The following RIPOR3 variants were observed in gnomAD, a reference collection of about 807,000 sequenced individuals.
RIPOR3 encodes the protein RIPOR family member 3.
Under a neutral mutation model 114.3 loss-of-function variants are expected in RIPOR3, and 95 were observed. The observed-to-expected ratio is 0.83, with a 90% CI of 0.70 to 0.99. The LOEUF (loss-of-function observed/expected upper bound fraction) is 0.99, where lower values mean the gene tolerates loss of function less well. Among genes scored for constraint, RIPOR3 ranks in the 50% least tolerant of loss-of-function variants. The pLI, the probability that RIPOR3 is intolerant of heterozygous loss-of-function variation, is 0.00. For synonymous variants in RIPOR3, 575 were observed against 543.8 expected (o/e 1.06, Z -0.80); for missense variants, 1,252 against 1,266.9 (o/e 0.99, Z 0.18).
At chr20:50,598,702 C>G (rs2083388941) in intron 13 of RIPOR3, among the ~76,000 whole-genome samples, 3 of 152,112 alleles carry the variant, frequency 2.0e-5, no homozygotes. Flanking sequence ...GTCAGGAGTT[C>G]AAGACCAGCC....
rs748777109 is a variant in RIPOR3 at position 50,602,287 on chromosome 20, T to G, written c.1444A>C (p.Ser482Arg). 345 of 1,613,776 alleles carry G rather than the reference T, an allele frequency of 2.1e-4. 2 individuals carry two copies. Among genetic ancestry groups the G allele is most frequent in the Non-Finnish European group, 2.9e-4 (340 of 1,179,948 alleles). Residue 482 changes from serine (S) to arginine (R), a missense_variant, in exon 13 of 22, where the codon AGC (serine) becomes CGC (arginine). By Grantham distance (110) the Ser-to-Arg change is moderately radical (BLOSUM62 -1). Coordinates refer to ENST00000327979, the MANE Select transcript of RIPOR3 (RefSeq NM_001290268.2). This position sits in a 1 kb window ranked among gnomAD's most constrained non-coding sequence, Gnocchi z 4.3. ...TGGAACAGGGAGCCCTGTGGCAGGC[T>G]GGGGCTCTCCCCTCCTAAGTTCCTC... ...GWRNLGGESP[S>R]LPQGSLFHSG...
intron 12 of RIPOR3, among the ~76,000 whole-genome samples, chr20:50,603,485 C>T (rs1042871859): frequency 2.6e-5 from 4 of 152,168 alleles, no homozygotes; most frequent in Non-Finnish European, 4.4e-5. Context: ...GTGATCCACC[C>T]GCCTCGGCCT....
intron 1 of RIPOR3, among the ~76,000 whole-genome samples, chr20:50,652,610 A>AAAAGAAAAGAAAAGAAAAGAAAG (rs1206678837): frequency 6.9e-6 from 1 of 145,414 alleles, no homozygotes; most frequent in Non-Finnish European, 1.5e-5. Context: ...AAAAAAAAAA[A>AAAAGAAAAGAAAAGAAAAGAAAG]AAAGAAAAGA....
rs1395135472 is a variant in RIPOR3, at chr20:50,636,509, G to C, written c.4-5653C>G. ...TGGGTAACCAGCACTCTGCAGGCAT[G>C]AGAGACAGTGCAGAGACCCTGCTGG... On this transcript the variant is annotated intron_variant, in intron 1 of 21. Coordinates refer to ENST00000327979, the MANE Select transcript of RIPOR3 (RefSeq NM_001290268.2). The C allele has an allele frequency of 4.1e-6, 4 of 966,376 alleles. No individual in the cohort carries two copies. The African/African-American group carries it at 7.0e-5, about 17-fold the overall frequency. 59.9% of individuals were successfully genotyped at this position (966,376 alleles called of 1,614,324 possible). A position where few individuals can be genotyped will look rare whatever the true frequency, so the allele number is the denominator to read the frequency against.
At chr20:50,677,968 C>T (rs1021468797) in intron 1 of RIPOR3, among the ~76,000 whole-genome samples, 1 of 152,128 alleles carries the variant, frequency 6.6e-6, no homozygotes, top group African/African-American at 2.4e-5. Flanking sequence ...CCGCGCCTGG[C>T]CTTATTATTC....
intron 13 of RIPOR3, among the ~76,000 whole-genome samples, chr20:50,598,015 G>A (rs979780500): frequency 6.6e-6 from 1 of 152,226 alleles, no homozygotes; most frequent in African/African-American, 2.4e-5. Context: ...GAGTGAGTGA[G>A]CTGCCCCAGC....
At chr20:50,679,121 A>ATATATATATAT (rs1600761983) in intron 1 of RIPOR3, among the ~76,000 whole-genome samples, 1 of 77,224 alleles carries the variant, frequency 1.3e-5, no homozygotes, top group African/African-American at 4.7e-5. Flanking sequence ...AAAAAAAAAA[A>ATATATATATAT]AAAAAAAAAA....
At chr20:50,646,542 A>G (rs2085404513) in intron 1 of RIPOR3, among the ~76,000 whole-genome samples, 1 of 152,130 alleles carries the variant, frequency 6.6e-6, no homozygotes, top group South Asian at 2.1e-4. Flanking sequence ...AATTTCAAGA[A>G]CCTTTAGCCT....
intron 1 of RIPOR3, among the ~76,000 whole-genome samples, chr20:50,664,017 C>T (rs1403397864): frequency 6.6e-6 from 1 of 151,624 alleles, no homozygotes; most frequent in Non-Finnish European, 1.5e-5. Context: ...AACTCCGCCT[C>T]CCGGCTTCAA....
chr20:50,674,551 G>A (rs148065485), intron 1 of RIPOR3, among the ~76,000 whole-genome samples: 107 of 150,804 alleles, frequency 7.1e-4, no homozygotes, highest in Admixed American at 5.5e-3. Context: ...GACACAGAAT[G>A]TGACCATTTG....
At chr20:50,595,009 A>T in intron 16 of RIPOR3, 1 of 496,448 alleles carries the variant, frequency 2.0e-6, no homozygotes. Flanking sequence ...GGGCAGAGGC[A>T]CAGCTGGGAT....
At chr20:50,624,135 C>A (rs2084531260) in intron 2 of RIPOR3, among the ~76,000 whole-genome samples, 1 of 152,204 alleles carries the variant, frequency 6.6e-6, no homozygotes, top group Admixed American at 6.5e-5. Context: ...CTGCACCCAG[C>A]CATTTGTATA....
chr20:50,671,434 A>ACG lies in RIPOR3; in HGVS notation c.3+19691_3+19692insCG, dbSNP rs1351347664. On this transcript the variant is annotated intron_variant, in intron 1 of 21. Coordinates refer to ENST00000327979, the MANE Select transcript of RIPOR3 (RefSeq NM_001290268.2). ...CGCGCGTGCACGCGCGCGCGCACAC[A>ACG]CACACACACACACACACACACACAC... Among the ~76,000 whole-genome samples, 48 of 11,878 alleles carry ACG rather than the reference A, an allele frequency of 4.0e-3. 1 individual carries two copies. Among genetic ancestry groups the ACG allele is most frequent in the Middle Eastern group, 0.12 (2 of 16 alleles). The allele number at this position is 11,878 out of a possible 152,430, so 7.8% of individuals were successfully genotyped here. A position where few individuals can be genotyped will look rare whatever the true frequency, so the allele number is the denominator to read the frequency against.
chr20:50,609,752 G>A, intron 6 of RIPOR3, 30 bp from the exon 7 acceptor site: 1 of 1,356,804 alleles, frequency 7.4e-7, no homozygotes, highest in Non-Finnish European at 9.5e-7. Context: ...TGGTGGCGCT[G>A]CCCACGCGGA....
At chr20:50,635,804 A>G (rs1474682055) in intron 1 of RIPOR3, among the ~76,000 whole-genome samples, 1 of 152,224 alleles carries the variant, frequency 6.6e-6, no homozygotes, top group Non-Finnish European at 1.5e-5. Flanking sequence ...TGGACTCCAA[A>G]GCCTGGCTTC....
intron 2 of RIPOR3, among the ~76,000 whole-genome samples, chr20:50,623,716 C>T (rs889500568): frequency 4.1e-4 from 63 of 152,192 alleles, no homozygotes; most frequent in Admixed American, 6.5e-4. Context: ...AGCCCAAGGG[C>T]CTCAGGAGCC....
At chr20:50,656,778 G>T (rs551211087) in intron 1 of RIPOR3, among the ~76,000 whole-genome samples, 1 of 152,172 alleles carries the variant, frequency 6.6e-6, no homozygotes, top group Admixed American at 6.5e-5. Flanking sequence ...GATTACAGGC[G>T]TGAGCTACCG....
chr20:50,590,419 C>T (rs1163353905), intron 19 of RIPOR3, among the ~76,000 whole-genome samples: 1 of 152,252 alleles, frequency 6.6e-6, no homozygotes, highest in African/African-American at 2.4e-5. Flanking sequence ...GGTTTGCCCT[C>T]ACTCAGTCGA....
intron 1 of RIPOR3, among the ~76,000 whole-genome samples, chr20:50,640,379 C>T (rs1297002568): frequency 6.6e-6 from 1 of 150,482 alleles, no homozygotes; most frequent in Non-Finnish European, 1.5e-5. Flanking sequence ...TTCATTGCAA[C>T]CCTGGCCCTG....
Sources: gnomAD v4.1 joint callset for allele counts (sites outside exome capture counted in the v4.1 genomes callset) on GRCh38, gnomAD v4.1.1 for gene constraint, Gnocchi (gnomAD v3.1) non-coding constraint, MANE v1.5 for transcripts, NCBI Gene and HGNC (gene_info 2026-07-23, HGNC 2026-07-21) for gene names.